MAPK15: variants seen among roughly 807,000 people sequenced by gnomAD.
MAPK15 encodes ERK-7.
In MAPK15, 61 loss-of-function variants were observed where a neutral mutation model predicts 60.8. That is an observed-to-expected ratio of 1.00 (90% CI 0.82 to 1.24). The LOEUF (loss-of-function observed/expected upper bound fraction) is 1.24. Among genes scored for constraint, MAPK15 ranks in the 50% most tolerant of loss-of-function variants. The pLI is 0.00. For missense variants in MAPK15, 808 were observed against 741.1 expected (o/e 1.09, Z -1.05); for synonymous variants, 356 against 319.9 (o/e 1.11, Z -1.21).
intron 6 of MAPK15, 75 bp from the exon 7 acceptor site, chr8:143,719,268 C>T: frequency 2.0e-6 from 3 of 1,532,084 alleles, no homozygotes; most frequent in Non-Finnish European, 2.6e-6. Flanking sequence ...AAGTGTTCCC[C>T]CATTCACCCC....
At chr8:143,717,868 C>G in intron 2 of MAPK15, 76 bp downstream of exon 2, 2 of 1,528,048 alleles carry the variant, frequency 1.3e-6, no homozygotes, top group African/African-American at 2.7e-5. Context: ...CCTGGAAGCT[C>G]AGGTGGGAGC....
Position 143,722,115 on chromosome 8 carries a change from G to A in MAPK15, c.1499G>A (p.Arg500Lys), listed in dbSNP as rs1485628843. The A allele has an allele frequency of 5.6e-6, 9 of 1,612,640 alleles. No individual in the cohort carries two copies. Among genetic ancestry groups the A allele is most frequent in the African/African-American group, 4.0e-5 (3 of 75,028 alleles). ...RLPPEARPGR[R>K]MFSTSALQGA... ...CCTCCGGAGGCCCGGCCCGGCCGGA[G>A]GATGTTCAGCACCTCTGCCTTGCAG... Residue 500 changes from arginine to lysine, a missense_variant, in exon 14 of 14, where the codon AGG (arginine) becomes AAG (lysine). Arg to Lys is a conservative substitution (Grantham distance 26). Coordinates refer to ENST00000338033, the MANE Select transcript of MAPK15 (RefSeq NM_139021.3).
chr8:143,719,274 A>C (rs1337699692), intron 6 of MAPK15, 69 bp from the exon 7 acceptor site: 14 of 1,461,896 alleles, frequency 9.6e-6, no homozygotes, highest in East Asian at 4.9e-5. Context: ...TCCCCCATTC[A>C]CCCCCCAGCA....
chr8:143,716,837 C>G (rs1554618471), intron 1 of MAPK15, among the ~76,000 whole-genome samples: 1 of 152,118 alleles, frequency 6.6e-6, no homozygotes, highest in African/African-American at 2.4e-5. Context: ...GGGCGAGGCC[C>G]GAGAAGGGCC....
At position 143,722,289 on chromosome 8, in the gene MAPK15, C is replaced by T. The variant is rs1271790660; in HGVS notation, c.*38C>T. The T allele has an allele frequency of 4.7e-6, 7 of 1,505,192 alleles. No homozygotes were observed. The highest frequency in any genetic ancestry group is 6.2e-6 in the Non-Finnish European group (7 of 1,125,494). 93.2% of individuals were successfully genotyped at this position (1,505,192 alleles called of 1,614,324 possible). A position where few individuals can be genotyped will look rare whatever the true frequency, so the allele number is the denominator to read the frequency against. ...CCTTCACCTGGCCCTCTGTTCCTGC[C>T]CCAGCCCCTTCCCCAGACCCCTCTC... is the stretch of plus-strand genomic sequence containing the variant. On this transcript the variant is annotated 3_prime_UTR_variant, in exon 14 of 14. Transcript: ENST00000338033.
At chr8:143,717,132 C>A (rs1024972839) in intron 1 of MAPK15, among the ~76,000 whole-genome samples, 1 of 152,132 alleles carries the variant, frequency 6.6e-6, no homozygotes, top group Non-Finnish European at 1.5e-5. Context: ...TTGGTTTTTA[C>A]TGTTGCTGAG....
chr8:143,717,780 G>C lies in MAPK15; in HGVS notation c.153G>C (p.Lys51Asn). 3 of 1,611,200 alleles carry C rather than the reference G, an allele frequency of 1.9e-6. No individual in the cohort carries two copies. The South Asian group carries it at 3.3e-5, about 18-fold the overall frequency. ...AAATCTTTGATGCTTTTAGGGATAA[G>C]ACAGATGCCCAGGTGAGTGTGTGGG... The part of the protein sequence containing the change: ...IKKIFDAFRD[K>N]TDAQRTFREI... Residue 51 changes from lysine to asparagine, a missense_variant, in exon 2 of 14, where the codon AAG becomes AAC. Physicochemically the swap from Lys to Asn is moderately conservative, Grantham distance 94. Transcript: ENST00000338033.
intron 4 of MAPK15, 48 bp from the exon 5 acceptor site, chr8:143,718,727 G>GTCCCCCCCCCCCCCCCC: frequency 5.8e-6 from 3 of 514,522 alleles, no homozygotes; most frequent in South Asian, 8.2e-5. Flanking sequence ...CCCCCAGGTT[G>GTCCCCCCCCCCCCCCCC]CCCCCCCAGC....
In MAPK15 at chr8:143,722,380, C is replaced by A. The variant is rs191350172; in HGVS notation, c.*129C>A. On this transcript the variant is annotated 3_prime_UTR_variant, in exon 14 of 14. Transcript: ENST00000338033. Reference sequence around the variant, plus strand: ...CCGTTGAAGTTCCAGGGAGCTTGCCCGGGTCTCCTCGGGGGAGCAGATGAG... The same window carrying A: ...CCGTTGAAGTTCCAGGGAGCTTGCCAGGGTCTCCTCGGGGGAGCAGATGAG... 7.7e-6 allele frequency: 6 copies of A among 782,168 alleles called. No individual in the cohort carries two copies. Among genetic ancestry groups the A allele is most frequent in the Non-Finnish European group, 1.2e-5 (6 of 518,940 alleles). The allele number at this position is 782,168 out of a possible 1,614,324, so 48.5% of individuals were successfully genotyped here.
intron 5 of MAPK15, 41 bp from the exon 6 acceptor site, chr8:143,718,952 C>A (rs782350844): frequency 6.3e-7 from 1 of 1,598,168 alleles, no homozygotes; most frequent in East Asian, 2.2e-5. Context: ...GGCTCCCGGC[C>A]CCACCCAGCC....
rs1484719274 is a variant in MAPK15 at position 143,722,062 on chromosome 8, C to T, written c.1459-13C>T. The T allele has an allele frequency of 3.4e-5, 54 of 1,611,126 alleles. No individual in the cohort carries two copies. Among genetic ancestry groups the T allele is most frequent in the Non-Finnish European group, 4.3e-5 (51 of 1,179,578 alleles). ...TCTGATGGCCCCTTTATGTGACCCT[C>T]AACTGTACACAGGTCCCTCCCCGGC... On this transcript the variant is annotated splice_polypyrimidine_tract_variant and intron_variant, in intron 13 of 13. Transcript: ENST00000338033.
chr8:143,719,541 T>A lies in MAPK15; in HGVS notation c.721+59T>A, dbSNP rs903747550. 53 of 1,567,646 alleles carry A rather than the reference T, an allele frequency of 3.4e-5. No homozygotes were observed. In the South Asian group the frequency reaches 3.8e-4, roughly 11 times the overall value. ...TGCTGCAGGTCAGACAGCACAGCTG[T>A]GGGGAGACAGCAGCTGACAGGCTAG... On this transcript the variant is annotated intron_variant, in intron 7 of 13. Transcript: ENST00000338033.
At chr8:143,718,651 G>A (rs1022929480) in intron 4 of MAPK15, 124 bp from the exon 5 acceptor site, 114 of 835,648 alleles carry the variant, frequency 1.4e-4, no homozygotes, top group Middle Eastern at 3.6e-4. Context: ...GGATGGAGGA[G>A]CGGGGCGGCC....
At chr8:143,717,925 C>T in intron 2 of MAPK15, 122 bp from the exon 3 acceptor site, 2 of 1,509,762 alleles carry the variant, frequency 1.3e-6, no homozygotes, top group Admixed American at 1.7e-5. Context: ...GGAACACTGC[C>T]CCCTTGCCAC....
At position 143,719,416 on chromosome 8, in the gene MAPK15, C is replaced by T; in HGVS notation, c.655C>T (p.Pro219Ser). Residue 219 changes from proline (P) to serine (S), a missense_variant, in exon 7 of 14, where the codon CCC becomes TCC. By Grantham distance (74) the Pro-to-Ser change is moderately conservative. Transcript: ENST00000338033. The part of the protein sequence containing the change: ...GEMLRGRPLF[P>S]GTSTLHQLEL... ...GATGCTGCGGGGGAGACCCCTGTTC[C>T]CCGGCACGTCCACCCTCCACCAGCT... 6 of 1,611,180 alleles carry T rather than the reference C, an allele frequency of 3.7e-6. No homozygotes were observed. The highest frequency in any genetic ancestry group is 5.1e-6 in the Non-Finnish European group (6 of 1,178,954).
intron 2 of MAPK15, 103 bp downstream of exon 2, chr8:143,717,895 C>A: frequency 1.3e-6 from 2 of 1,490,450 alleles, no homozygotes; most frequent in East Asian, 2.3e-5. Flanking sequence ...CCAGTCATAG[C>A]AGATGTTCTG....
chr8:143,721,368 A>G lies in MAPK15; in HGVS notation c.1161A>G (p.Arg387=). ...CTAGGACACCTGTGCAGGGTCCCAG[A>G]CCCAGGCCCCAGAGCAGCCCAGGCC... ...LPSRTPVQGP[R]PRPQSSPGHD... Residue 387 remains arginine (R), a synonymous_variant, in exon 11 of 14, where the codon AGA becomes AGG. Transcript: ENST00000338033. 6.2e-7 allele frequency: 1 copy of G among 1,613,058 alleles called. No homozygotes were observed. The highest frequency in any genetic ancestry group is 8.5e-7 in the Non-Finnish European group (1 of 1,179,734).
At chr8:143,718,726 T>TG in intron 4 of MAPK15, 49 bp from the exon 5 acceptor site, 5 of 417,828 alleles carry the variant, frequency 1.2e-5, no homozygotes, top group South Asian at 2.3e-5. Flanking sequence ...CCCCCCAGGT[T>TG]GCCCCCCCAG....
Position 143,718,989 on chromosome 8 carries a change from G to A in MAPK15, c.418-4G>A, listed in dbSNP as rs371284724. The A allele has an allele frequency of 8.1e-6, 13 of 1,606,240 alleles. No individual in the cohort carries two copies. The highest frequency in any genetic ancestry group is 1.0e-5 in the Non-Finnish European group (12 of 1,176,782). On this transcript the variant is annotated splice_region_variant and splice_polypyrimidine_tract_variant and intron_variant, in intron 5 of 13. Coordinates refer to ENST00000338033, the MANE Select transcript of MAPK15 (RefSeq NM_139021.3). ...CGGGGCCTCAGCCTGCCTCCTCTCTGCAGCCGTCCAATGTGCTCCTGGATG... is the reference window on the plus strand; with the variant it reads ...CGGGGCCTCAGCCTGCCTCCTCTCTACAGCCGTCCAATGTGCTCCTGGATG...
Sources: allele counts gnomAD v4.1 joint callset (sites outside exome capture counted in the v4.1 genomes callset), GRCh38; gene constraint gnomAD v4.1.1; transcripts MANE v1.5; gene names NCBI Gene and HGNC (gene_info 2026-07-23, HGNC 2026-07-21).